The following NKAIN3 variants were observed in gnomAD, a reference collection of about 807,000 sequenced individuals.
NKAIN3 encodes the protein sodium/potassium transporting ATPase interacting 3.
Under a neutral mutation model 30.2 loss-of-function variants are expected in NKAIN3, and 25 were observed. That is an observed-to-expected ratio of 0.83 (90% CI 0.60 to 1.16). The LOEUF is 1.16. Ranked by LOEUF, NKAIN3 falls within the 50% of genes most tolerant of loss-of-function variation. The pLI is 0.00. For missense variants in NKAIN3, 225 were observed against 254.1 expected (o/e 0.89, Z 0.78); for synonymous variants, 91 against 89.6 (o/e 1.02, Z -0.09).
At chr8:62,327,557 T>A (rs1284677694) in intron 1 of NKAIN3, among the ~76,000 whole-genome samples, 1 of 152,034 alleles carries the variant, frequency 6.6e-6, no homozygotes, top group African/African-American at 2.4e-5. Flanking sequence ...CCCAGCACCA[T>A]TTTTTGAGGA....
At chr8:62,957,432 C>T (rs1046545847) in intron 6 of NKAIN3, among the ~76,000 whole-genome samples, 3 of 152,194 alleles carry the variant, frequency 2.0e-5, no homozygotes, top group African/African-American at 7.2e-5. Flanking sequence ...CCGCGCCCGG[C>T]CTATAGCAGC....
intron 4 of NKAIN3, among the ~76,000 whole-genome samples, chr8:62,882,984 A>C (rs1239510716): frequency 6.6e-6 from 1 of 152,124 alleles, no homozygotes; most frequent in Non-Finnish European, 1.5e-5. Flanking sequence ...CTAAGTCTTG[A>C]AGTTTGGTAG....
At chr8:62,386,914 T>TGA (rs141443243) in intron 1 of NKAIN3, among the ~76,000 whole-genome samples, 2,534 of 147,930 alleles carry the variant, frequency 0.017, 64 homozygotes, top group African/African-American at 0.051. Flanking sequence ...AATTGATATA[T>TGA]GAGAGAGAGA....
chr8:62,806,184 G>A (rs1818273981), intron 4 of NKAIN3, among the ~76,000 whole-genome samples: 1 of 152,166 alleles, frequency 6.6e-6, no homozygotes, highest in Non-Finnish European at 1.5e-5. Context: ...GGAGAAATAG[G>A]AACACTTTTA....
At chr8:62,263,802 C>T (rs1812522037) in intron 1 of NKAIN3, among the ~76,000 whole-genome samples, 1 of 152,110 alleles carries the variant, frequency 6.6e-6, no homozygotes, top group African/African-American at 2.4e-5. Flanking sequence ...ACTTATTTTC[C>T]ATTCAAGTAT....
chr8:62,708,299 G>A (rs989295870), intron 3 of NKAIN3, among the ~76,000 whole-genome samples: 11 of 152,050 alleles, frequency 7.2e-5, no homozygotes, highest in African/African-American at 1.9e-4. Context: ...CATTGAATTT[G>A]TATATTGCTT....
At chr8:62,543,375 A>G (rs1396203439) in intron 1 of NKAIN3, among the ~76,000 whole-genome samples, 2 of 152,212 alleles carry the variant, frequency 1.3e-5, no homozygotes, top group Non-Finnish European at 2.9e-5. Context: ...TTCAGAAGTA[A>G]CATGCAAAGG....
At chr8:62,709,392 C>A (rs1413561477) in intron 3 of NKAIN3, among the ~76,000 whole-genome samples, 1 of 152,086 alleles carries the variant, frequency 6.6e-6, no homozygotes, top group Non-Finnish European at 1.5e-5. Context: ...CCATTTCAAT[C>A]TCGCTACTTG....
Position 62,977,167 on chromosome 8 carries a change from T to C in NKAIN3, c.*11760T>C, listed in dbSNP as rs1823960847. Among the ~76,000 whole-genome samples the C allele has an allele frequency of 1.3e-5, 2 of 152,196 alleles. No homozygotes were observed. The highest frequency in any genetic ancestry group is 2.9e-5 in the Non-Finnish European group (2 of 68,038). On this transcript the variant is annotated 3_prime_UTR_variant, in exon 7 of 7. Coordinates refer to ENST00000623646, the MANE Select transcript of NKAIN3 (RefSeq NM_001304533.3). ...AATCTGACGATTATGTGTCTTGGGG[T>C]TGCTCTTCTCAAAGAGTATCTTTGT...
chr8:62,870,768 TA>T (rs1180790695), intron 4 of NKAIN3, among the ~76,000 whole-genome samples: 12 of 147,572 alleles, frequency 8.1e-5, no homozygotes, highest in Non-Finnish European at 1.8e-4. Flanking sequence ...TATAGATATA[TA>T]TAGAGAGATA....
intron 5 of NKAIN3, among the ~76,000 whole-genome samples, chr8:62,931,583 T>G (rs1822620075): frequency 6.6e-6 from 1 of 152,208 alleles, no homozygotes; most frequent in Non-Finnish European, 1.5e-5. Context: ...TTCTATATGT[T>G]CAGGAATTTT....
chr8:62,666,941 A>C (rs6472041), intron 3 of NKAIN3, among the ~76,000 whole-genome samples: 3,041 of 152,054 alleles, frequency 0.02, 91 homozygotes, highest in African/African-American at 0.069. Context: ...AATTCCCTCT[A>C]TCTCCCCAAA....
intron 1 of NKAIN3, among the ~76,000 whole-genome samples, chr8:62,454,239 T>C (rs976716031): frequency 9.3e-5 from 13 of 140,416 alleles, no homozygotes; most frequent in African/African-American, 2.1e-4. Context: ...ATGGGCCACA[T>C]TGGGAGAAGA....
chr8:62,699,073 A>C (rs16929437), intron 3 of NKAIN3, among the ~76,000 whole-genome samples: 3,421 of 152,256 alleles, frequency 0.022, 98 homozygotes, highest in African/African-American at 0.072. Context: ...TGTCATTAGA[A>C]ACACGCTGGC....
intron 4 of NKAIN3, among the ~76,000 whole-genome samples, chr8:62,866,760 G>A (rs1384817689): frequency 1.3e-5 from 2 of 152,040 alleles, no homozygotes; most frequent in Non-Finnish European, 2.9e-5. Flanking sequence ...AAAAATTAAA[G>A]TATTGGCCAG....
chr8:62,433,263 G>A (rs1805070971), intron 1 of NKAIN3, among the ~76,000 whole-genome samples: 1 of 152,050 alleles, frequency 6.6e-6, no homozygotes, highest in Non-Finnish European at 1.5e-5. Context: ...TTCTTACTAA[G>A]TTTATTACCT....
chr8:62,979,763 T>C lies in NKAIN3; in HGVS notation c.*14356T>C, dbSNP rs982308017. ...TTCTTTCCTCTGCACTTGGTGGCCA[T>C]CAGCTGTAACAAGTCCTGACTAGAC... is the stretch of plus-strand genomic sequence containing the variant. On this transcript the variant is annotated 3_prime_UTR_variant, in exon 7 of 7. Transcript: ENST00000623646. 2 of 152,266 alleles carry C rather than the reference T, an allele frequency of 1.3e-5. No homozygotes were observed. The highest frequency in any genetic ancestry group is 2.9e-5 in the Non-Finnish European group (2 of 68,058). The allele number at this position is 152,266 out of a possible 1,614,324, so 9.4% of individuals were successfully genotyped here.
chr8:62,817,202 A>G (rs1168434046), intron 4 of NKAIN3, among the ~76,000 whole-genome samples: 2 of 152,104 alleles, frequency 1.3e-5, no homozygotes. Context: ...GGAGGAGGTG[A>G]GTGCTGCATG....
chr8:62,407,508 C>T (rs557906742), intron 1 of NKAIN3, among the ~76,000 whole-genome samples: 90 of 145,712 alleles, frequency 6.2e-4, no homozygotes, highest in Non-Finnish European at 9.2e-4. Context: ...AGTGATTCTC[C>T]TGCTTCAGTC....
Sources: gnomAD v4.1 joint callset for allele counts (sites outside exome capture counted in the v4.1 genomes callset) on GRCh38, gnomAD v4.1.1 for gene constraint, MANE v1.5 for transcripts, NCBI Gene and HGNC (gene_info 2026-07-23, HGNC 2026-07-21) for gene names.